Variants in MSH4 observed in about 807,000 individuals in gnomAD.
MSH4 encodes the protein mutS protein homolog 4.
Under a neutral mutation model 113.7 loss-of-function variants are expected in MSH4, and 106 were observed. That is an observed-to-expected ratio of 0.93 (90% confidence interval 0.80 to 1.10). The LOEUF is 1.10. Among genes scored for constraint, MSH4 ranks in the 50% least tolerant of loss-of-function variants. The probability of loss-of-function intolerance (pLI) is 0.00; values close to 1 mark genes in which losing one functional copy is unlikely to be tolerated. For synonymous variants in MSH4, 368 were observed against 380.2 expected, an observed-to-expected ratio of 0.97 and a Z score of 0.37; for missense variants, 1,061 against 1,093.7, an observed-to-expected ratio of 0.97 and a Z score of 0.42.
intron 14 of MSH4, among the ~76,000 whole-genome samples, chr1:75,881,930 A>C (rs1282336551): frequency 6.6e-6 from 1 of 152,058 alleles, no homozygotes; most frequent in Non-Finnish European, 1.5e-5. Flanking sequence ...AGTAATAACC[A>C]TACTCCAGTA....
chr1:75,816,446 A>G lies in MSH4; in HGVS notation c.889A>G (p.Lys297Glu). Residue 297 changes from lysine (K) to glutamate (E), a missense_variant, in exon 6 of 20, where the codon AAA (lysine) becomes GAA (glutamate). Coordinates refer to ENST00000263187, the MANE Select transcript of MSH4 (RefSeq NM_002440.4). ...TATTCAAAATTCAGTTTATGCACCA[A>G]AATCACTGAAGATTTGTTTCCAGGG... ...EFIQNSVYAP[K>E]SLKICFQGSE... 6.2e-7 allele frequency: 1 copy of G among 1,611,248 alleles called. No homozygotes were observed. Among genetic ancestry groups the G allele is most frequent in the Non-Finnish European group, 8.5e-7 (1 of 1,178,208 alleles).
At chr1:75,905,641 G>A (rs1282503293) in intron 19 of MSH4, among the ~76,000 whole-genome samples, 1 of 152,022 alleles carries the variant, frequency 6.6e-6, no homozygotes, top group Non-Finnish European at 1.5e-5. Context: ...TACTGAGAAT[G>A]GAATGTTGAA....
intron 8 of MSH4, among the ~76,000 whole-genome samples, chr1:75,850,263 T>A (rs1055652306): frequency 3.9e-5 from 6 of 152,114 alleles, no homozygotes; most frequent in South Asian, 2.1e-4. Context: ...ATTTGAGAAC[T>A]TTTTTCCTTC....
At chr1:75,847,290 T>G (rs1651095611) in intron 7 of MSH4, among the ~76,000 whole-genome samples, 1 of 152,142 alleles carries the variant, frequency 6.6e-6, no homozygotes, top group Non-Finnish European at 1.5e-5. Context: ...CTCACTTAAT[T>G]CTCACAACAC....
intron 19 of MSH4, among the ~76,000 whole-genome samples, chr1:75,901,151 T>G (rs1021985242): frequency 6.6e-6 from 1 of 152,202 alleles, no homozygotes; most frequent in Non-Finnish European, 1.5e-5. Flanking sequence ...CATTTATCTT[T>G]ACTTCATGTT....
At position 75,880,093 on chromosome 1, in the gene MSH4, T is replaced by A. The variant is rs757583724; in HGVS notation, c.1721T>A (p.Leu574Ter). The change falls in exon 13 of 20, where the codon TTA (leucine) becomes TAA (stop). Residue 574 changes from leucine to a stop codon, truncating the protein, a stop_gained. Coordinates refer to ENST00000263187, the MANE Select transcript of MSH4 (RefSeq NM_002440.4). LOFTEE classifies it high-confidence loss of function. The stretch of plus-strand genomic sequence containing the variant: ...TCTTACAGCTTTACATCAGCAGATT[T>A]AATTAAAATGAATGAAAGATGCCAA... ...KNSYSFTSAD[L>*]IKMNERCQES... 6.3e-7 allele frequency: 1 copy of A among 1,598,842 alleles called. No individual in the cohort carries two copies. Among genetic ancestry groups the A allele is most frequent in the South Asian group, 1.1e-5 (1 of 87,722 alleles).
At chr1:75,837,927 C>T (rs1403399675) in intron 7 of MSH4, among the ~76,000 whole-genome samples, 2 of 152,192 alleles carry the variant, frequency 1.3e-5, no homozygotes, top group African/African-American at 2.4e-5. Context: ...TTATAAGAGC[C>T]TCCTATTTGG....
chr1:75,831,969 AC>A, intron 7 of MSH4, among the ~76,000 whole-genome samples: 1 of 152,316 alleles, frequency 6.6e-6, no homozygotes, highest in Middle Eastern at 3.4e-3. Flanking sequence ...GACACAAAAA[AC>A]CCTTCAAAAA....
intron 1 of MSH4, 118 bp from the exon 2 acceptor site, chr1:75,803,613 G>T: frequency 1.3e-6 from 1 of 760,936 alleles, no homozygotes. Flanking sequence ...GCAAGACTCT[G>T]TCTCAAAAAA....
At chr1:75,854,735 GC>G (rs1194079062) in intron 8 of MSH4, among the ~76,000 whole-genome samples, 2 of 152,014 alleles carry the variant, frequency 1.3e-5, no homozygotes, top group Admixed American at 6.6e-5. Context: ...TGAATATGTT[GC>G]TAGCCTAACC....
intron 15 of MSH4, among the ~76,000 whole-genome samples, chr1:75,886,919 T>A (rs1652137455): frequency 6.7e-6 from 1 of 150,310 alleles, no homozygotes. Flanking sequence ...GTATTTGAAA[T>A]CTAAGTTCTG....
intron 19 of MSH4, among the ~76,000 whole-genome samples, chr1:75,908,566 G>A (rs1001708750): frequency 5.9e-5 from 9 of 152,080 alleles, no homozygotes; most frequent in African/African-American, 1.4e-4. Flanking sequence ...TAGAGCTCAC[G>A]TATCACCATC....
chr1:75,836,302 C>CTTTTTTTTTTTTTTTTTCTT (rs71071968), intron 7 of MSH4, among the ~76,000 whole-genome samples: 1 of 135,962 alleles, frequency 7.4e-6, no homozygotes, highest in African/African-American at 2.7e-5. Flanking sequence ...CTTTCTTTTT[C>CTTTTTTTTTTTTTTTTTCTT]TTTTTTTTTT....
At chr1:75,809,942 C>G (rs1188421910) in intron 3 of MSH4, among the ~76,000 whole-genome samples, 1 of 151,922 alleles carries the variant, frequency 6.6e-6, no homozygotes, top group East Asian at 1.9e-4. Context: ...TGAGCCACCT[C>G]CCCTGGCCCA....
At chr1:75,854,070 T>C (rs903681261) in intron 8 of MSH4, among the ~76,000 whole-genome samples, 1 of 146,730 alleles carries the variant, frequency 6.8e-6, no homozygotes, top group Non-Finnish European at 1.5e-5. Flanking sequence ...TATTTCTGTA[T>C]TTATCTATAC....
chr1:75,877,483 T>C (rs1651840733), intron 10 of MSH4, among the ~76,000 whole-genome samples: 1 of 152,180 alleles, frequency 6.6e-6, no homozygotes, highest in Non-Finnish European at 1.5e-5. Context: ...TGAAAAGATT[T>C]GTGATACTTA....
intron 19 of MSH4, among the ~76,000 whole-genome samples, chr1:75,904,554 T>C (rs2100593533): frequency 6.6e-6 from 1 of 151,584 alleles, no homozygotes; most frequent in Admixed American, 6.6e-5. Flanking sequence ...TTCTGTTGCC[T>C]GGACTGGAGT....
intron 8 of MSH4, among the ~76,000 whole-genome samples, chr1:75,861,492 T>C (rs1651454160): frequency 6.6e-6 from 1 of 152,224 alleles, no homozygotes; most frequent in African/African-American, 2.4e-5. Context: ...TCCTTTCTGT[T>C]TGTTAGTTTT....
At position 75,897,007 on chromosome 1, in the gene MSH4, A is replaced by G. The variant is rs990794131; in HGVS notation, c.2356-900A>G. Reference sequence around the variant, plus strand: ...TTCCTTCCCTTGCTTTTCACTTTCCATAGTTGATAGCCATTTTGCCAATCA... The same window carrying G: ...TTCCTTCCCTTGCTTTTCACTTTCCGTAGTTGATAGCCATTTTGCCAATCA... On this transcript the variant is annotated intron_variant, in intron 17 of 19. Transcript: ENST00000263187. 5.9e-5 allele frequency among the ~76,000 whole-genome samples: 9 copies of G among 152,114 alleles called. No individual in the cohort carries two copies. In the East Asian group the frequency reaches 7.7e-4, roughly 13 times the overall value.
Sources: gnomAD v4.1 joint callset for allele counts (sites outside exome capture counted in the v4.1 genomes callset) on GRCh38, gnomAD v4.1.1 for gene constraint, MANE v1.5 for transcripts, NCBI Gene and HGNC (gene_info 2026-07-23, HGNC 2026-07-21) for gene names.